Variants in SMOC2 observed in about 807,000 individuals in gnomAD.
SMOC2 encodes SPARC related modular calcium binding 2, also known as SPARC-related modular calcium-binding protein 2.
In SMOC2, 39 loss-of-function variants were observed where a neutral mutation model predicts 61.4. The ratio of observed to expected loss-of-function variants is 0.64; its 90% CI spans 0.49 to 0.83. The LOEUF is 0.83. Among genes scored for constraint, SMOC2 ranks in the 40% least tolerant of loss-of-function variants. The probability of loss-of-function intolerance (pLI) is 0.00; values close to 1 mark genes in which losing one functional copy is unlikely to be tolerated. For missense variants in SMOC2, 556 were observed against 592.9 expected, an observed-to-expected ratio of 0.94 and a Z score of 0.65; for synonymous variants, 247 against 239.9, an observed-to-expected ratio of 1.03 and a Z score of -0.27.
At chr6:168,511,849 A>G (rs1027199835) in intron 2 of SMOC2, among the ~76,000 whole-genome samples, 1 of 124,962 alleles carries the variant, frequency 8.0e-6, no homozygotes, top group Non-Finnish European at 1.7e-5. Flanking sequence ...CAGTTTGTTC[A>G]AAGTCAGAGT....
At position 168,441,356 on chromosome 6, in the gene SMOC2, GC is replaced by G. The variant is rs1323421755; in HGVS notation, c.-13del. ...AGGACGCGGCCGATCTCCCGCTCCCGCCACCTCCGCCACCATGCTGCTCCCC... is the reference window on the plus strand; with the variant it reads ...AGGACGCGGCCGATCTCCCGCTCCCGCACCTCCGCCACCATGCTGCTCCCC... On this transcript the variant is annotated 5_prime_UTR_variant, in exon 1 of 13. Coordinates refer to ENST00000356284, the MANE Select transcript of SMOC2 (RefSeq NM_001166412.2). 1 of 1,500,308 alleles carries G rather than the reference GC, an allele frequency of 6.7e-7. No homozygotes were observed. Among genetic ancestry groups the G allele is most frequent in the Non-Finnish European group, 8.8e-7 (1 of 1,131,094 alleles). 92.9% of individuals were successfully genotyped at this position (1,500,308 alleles called of 1,614,324 possible). A position where few individuals can be genotyped will look rare whatever the true frequency, so the allele number is the denominator to read the frequency against.
intron 9 of SMOC2, among the ~76,000 whole-genome samples, chr6:168,617,509 A>G (rs1786125243): frequency 6.6e-6 from 1 of 152,124 alleles, no homozygotes; most frequent in South Asian, 2.1e-4. Flanking sequence ...TGACCTTTCA[A>G]GCAAAAGTTT....
chr6:168,566,479 C>CTTTTT (rs10553952), intron 7 of SMOC2, among the ~76,000 whole-genome samples: 7 of 118,256 alleles, frequency 5.9e-5, no homozygotes, highest in Admixed American at 9.8e-5. Context: ...TGTAGCACTT[C>CTTTTT]TTTTTTTTTT....
intron 2 of SMOC2, among the ~76,000 whole-genome samples, chr6:168,515,251 G>A (rs1783101711): frequency 6.6e-6 from 1 of 152,148 alleles, no homozygotes; most frequent in Non-Finnish European, 1.5e-5. Context: ...AAATCTAAAG[G>A]ATTCTGTTGG....
chr6:168,488,682 A>T (rs1011654726), intron 1 of SMOC2, among the ~76,000 whole-genome samples: 1 of 151,224 alleles, frequency 6.6e-6, no homozygotes, highest in African/African-American at 2.4e-5. Context: ...ATATTGAGTC[A>T]TCTGGGTCCC....
At chr6:168,664,888 T>A in intron 12 of SMOC2, 1 of 461,694 alleles carries the variant, frequency 2.2e-6, no homozygotes, top group Non-Finnish European at 4.5e-6. Flanking sequence ...AATTTGTGAT[T>A]TATTTTGTCT....
Position 168,456,078 on chromosome 6 carries a change from C to T in SMOC2, c.84+14624C>T, listed in dbSNP as rs61638724. Among the ~76,000 whole-genome samples the T allele has an allele frequency of 1.9e-3, 292 of 152,328 alleles. 2 individuals are homozygous for T. Among genetic ancestry groups the T allele is most frequent in the African/African-American group, 6.6e-3 (275 of 41,584 alleles). The stretch of plus-strand genomic sequence containing the variant: ...CAGAGCCCAGGGAGGGCGGAGTGGG[C>T]GTGGGGGCACGGGCCTGCTGGGAAG... On this transcript the variant is annotated intron_variant, in intron 1 of 12. Transcript: ENST00000356284.
intron 9 of SMOC2, among the ~76,000 whole-genome samples, chr6:168,623,254 C>T (rs1021069810): frequency 6.0e-5 from 9 of 151,174 alleles, no homozygotes; most frequent in South Asian, 2.1e-4. Context: ...TGGAGGGCTG[C>T]GGGGATTCCA....
chr6:168,468,629 G>C (rs1186915449), intron 1 of SMOC2, among the ~76,000 whole-genome samples: 1 of 152,202 alleles, frequency 6.6e-6, no homozygotes, highest in Non-Finnish European at 1.5e-5. Flanking sequence ...CCACCTCCCG[G>C]GTTCAAGCGA....
chr6:168,519,863 A>G (rs1037348904), intron 2 of SMOC2, among the ~76,000 whole-genome samples: 9 of 152,246 alleles, frequency 5.9e-5, no homozygotes, highest in African/African-American at 2.2e-4. Context: ...ACTGTAATAT[A>G]GTCTTGCAAT....
chr6:168,470,190 C>G (rs992924563), intron 1 of SMOC2, among the ~76,000 whole-genome samples: 7 of 152,206 alleles, frequency 4.6e-5, no homozygotes, highest in African/African-American at 1.7e-4. Flanking sequence ...TCCTCCTGCA[C>G]TTTGAGGTCT....
chr6:168,599,925 C>G (rs989908164), intron 8 of SMOC2, among the ~76,000 whole-genome samples: 4 of 150,106 alleles, frequency 2.7e-5, no homozygotes, highest in African/African-American at 9.8e-5. Context: ...ACACACTCCC[C>G]TCTCATACAC....
chr6:168,576,293 T>C (rs1006732217), intron 7 of SMOC2, among the ~76,000 whole-genome samples: 4 of 152,146 alleles, frequency 2.6e-5, no homozygotes, highest in African/African-American at 9.7e-5. Flanking sequence ...TCTTTTGTGC[T>C]GTTATAACTC....
intron 7 of SMOC2, among the ~76,000 whole-genome samples, chr6:168,579,920 G>GTGGAAAGT (rs1352667577): frequency 6.6e-6 from 1 of 152,346 alleles, no homozygotes; most frequent in Admixed American, 6.5e-5. Context: ...GTAGAGAAAT[G>GTGGAAAGT]TGGAAAGTTG....
At position 168,553,762 on chromosome 6, in the gene SMOC2, C is replaced by T. The variant is rs151011141; in HGVS notation, c.637+4559C>T. 3.5e-3 allele frequency among the ~76,000 whole-genome samples: 535 copies of T among 152,318 alleles called. 3 individuals carry two copies. Among genetic ancestry groups the T allele is most frequent in the African/African-American group, 0.011 (466 of 41,562 alleles). ...GGCTCACGGGACGGTTTCTGTATCA[C>T]GGTTGCCATTTGCCACCATTTGCCA... On this transcript the variant is annotated intron_variant, in intron 7 of 12. Transcript: ENST00000356284. The surrounding 1 kb of genome is among the most constrained non-coding windows in gnomAD (Gnocchi z 4.2).
intron 1 of SMOC2, among the ~76,000 whole-genome samples, chr6:168,492,589 T>A (rs1212748884): frequency 6.6e-6 from 1 of 152,264 alleles, no homozygotes; most frequent in Non-Finnish European, 1.5e-5. Context: ...ACGAATTTCA[T>A]AGTTATTACC....
intron 1 of SMOC2, among the ~76,000 whole-genome samples, chr6:168,456,666 C>A (rs1434871468): frequency 6.6e-6 from 1 of 152,218 alleles, no homozygotes; most frequent in African/African-American, 2.4e-5. Context: ...AAACGCGCCC[C>A]AGGTCAGGCT....
rs140342504 is a variant in SMOC2 at position 168,456,753 on chromosome 6, A to G, written c.84+15299A>G. On this transcript the variant is annotated intron_variant, in intron 1 of 12. Coordinates refer to ENST00000356284, the MANE Select transcript of SMOC2 (RefSeq NM_001166412.2). ...GACATCAGGTACTGTTAACAGGAGG[A>G]GAAGGTGGGATTTCCTGGAGGGGAC... Among the ~76,000 whole-genome samples the G allele has an allele frequency of 3.8e-3, 573 of 152,188 alleles. 1 individual carries two copies. Among genetic ancestry groups the G allele is most frequent in the African/African-American group, 0.013 (553 of 41,524 alleles).
At chr6:168,590,891 A>T (rs1320352714) in intron 7 of SMOC2, among the ~76,000 whole-genome samples, 1 of 152,192 alleles carries the variant, frequency 6.6e-6, no homozygotes, top group Non-Finnish European at 1.5e-5. Context: ...TGGGAAACGA[A>T]CTCATATTTT....
Sources: gnomAD v4.1 joint callset for allele counts (sites outside exome capture counted in the v4.1 genomes callset) on GRCh38, gnomAD v4.1.1 for gene constraint, Gnocchi (gnomAD v3.1) non-coding constraint, MANE v1.5 for transcripts, NCBI Gene and HGNC (gene_info 2026-07-23, HGNC 2026-07-21) for gene names.